Variants in HMGA2 observed in about 807,000 individuals in gnomAD.
HMGA2 encodes the protein high mobility group AT-hook 2, also known as high mobility group protein HMGI-C.
A neutral mutation model predicts 19.1 loss-of-function variants in HMGA2; 8 were observed. The observed-to-expected ratio is 0.42, with a 90% CI of 0.25 to 0.76. The LOEUF is 0.76. Ranked by LOEUF, HMGA2 falls within the 30% of genes least tolerant of loss-of-function variation. The probability of loss-of-function intolerance (pLI) is 0.28; values close to 1 mark genes in which losing one functional copy is unlikely to be tolerated. For missense variants in HMGA2, 109 were observed against 136.3 expected (o/e 0.80, Z 1.00); for synonymous variants, 60 against 48.8 (o/e 1.23, Z -0.96).
At chr12:65,904,972 G>A (rs974813256) in intron 3 of HMGA2, among the ~76,000 whole-genome samples, 2 of 151,918 alleles carry the variant, frequency 1.3e-5, no homozygotes, top group African/African-American at 2.4e-5. Context: ...AACCTGAGAG[G>A]CAGAGGTTGC....
intron 3 of HMGA2, among the ~76,000 whole-genome samples, chr12:65,900,616 T>C (rs145411115): frequency 1.1e-4 from 17 of 152,338 alleles, no homozygotes; most frequent in African/African-American, 3.8e-4. Context: ...AGTGAATGCA[T>C]AGAGCGGGGT....
intron 3 of HMGA2, among the ~76,000 whole-genome samples, chr12:65,918,774 T>C (rs1228394204): frequency 6.6e-6 from 1 of 152,164 alleles, no homozygotes; most frequent in Non-Finnish European, 1.5e-5. Context: ...CCACAGATGC[T>C]CCCATAAGGG....
intron 3 of HMGA2, among the ~76,000 whole-genome samples, chr12:65,897,338 T>G (rs1874174895): frequency 6.6e-6 from 1 of 152,218 alleles, no homozygotes; most frequent in African/African-American, 2.4e-5. Context: ...AAACTGACAG[T>G]ACAAACTAGA....
chr12:65,926,406 C>T (rs775856661), intron 3 of HMGA2, among the ~76,000 whole-genome samples: 2 of 152,180 alleles, frequency 1.3e-5, no homozygotes, highest in Non-Finnish European at 2.9e-5. Context: ...TGTTTAACTT[C>T]GTCTCTATAG....
intron 3 of HMGA2, among the ~76,000 whole-genome samples, chr12:65,888,449 A>G (rs1164297660): frequency 2.0e-5 from 3 of 149,370 alleles, no homozygotes; most frequent in Non-Finnish European, 1.5e-5. Flanking sequence ...AGTGAGACTC[A>G]GTCCCCCCCA....
At chr12:65,861,850 T>C (rs1872098105) in intron 3 of HMGA2, among the ~76,000 whole-genome samples, 1 of 151,352 alleles carries the variant, frequency 6.6e-6, no homozygotes, top group African/African-American at 2.4e-5. Flanking sequence ...ATGTTTCTTT[T>C]TTTTTTTTTT....
chr12:65,851,577 C>A (rs370401746), intron 3 of HMGA2: 1 of 388,398 alleles, frequency 2.6e-6, no homozygotes, highest in South Asian at 1.8e-5. Context: ...GTAATTCCAG[C>A]GAGCAGCTTG....
At chr12:65,881,264 G>A (rs553046788) in intron 3 of HMGA2, 12 of 163,580 alleles carry the variant, frequency 7.3e-5, no homozygotes, top group Middle Eastern at 3.1e-3. Flanking sequence ...CCTTGTCTCT[G>A]AGGGTCTCCA....
chr12:65,946,181 T>C (rs1876257518), intron 3 of HMGA2, among the ~76,000 whole-genome samples: 1 of 152,208 alleles, frequency 6.6e-6, no homozygotes, highest in Non-Finnish European at 1.5e-5. Context: ...AAGATCTGTC[T>C]TATACTATAT....
intron 3 of HMGA2, among the ~76,000 whole-genome samples, chr12:65,839,292 T>C (rs1469174296): frequency 1.3e-5 from 2 of 152,052 alleles, no homozygotes; most frequent in Non-Finnish European, 2.9e-5. Context: ...GTTTGCTGTG[T>C]TACCCATGTT....
At chr12:65,907,645 T>C (rs1874657254) in intron 3 of HMGA2, among the ~76,000 whole-genome samples, 1 of 152,088 alleles carries the variant, frequency 6.6e-6, no homozygotes, top group Non-Finnish European at 1.5e-5. Context: ...AACCGAAAGA[T>C]AGGGTGGCCA....
In HMGA2 at chr12:65,842,254, G is replaced by A. The variant is rs1448651222; in HGVS notation, c.249+3685G>A. ...AGGTCCAGTTTCCTCATCTGCAAAA[G>A]GTATATTTCTCATAGAGTTGTAAGG... On this transcript the variant is annotated intron_variant, in intron 3 of 4. Coordinates refer to ENST00000403681, the MANE Select transcript of HMGA2 (RefSeq NM_003483.6). The A allele has an allele frequency of 1.4e-5, 8 of 563,640 alleles. No individual in the cohort carries two copies. In the East Asian group the frequency reaches 3.8e-4, roughly 27 times the overall value. The allele number at this position is 563,640 out of a possible 1,614,324, so 34.9% of individuals were successfully genotyped here.
chr12:65,839,473 G>T (rs1870899408), intron 3 of HMGA2, among the ~76,000 whole-genome samples: 2 of 151,090 alleles, frequency 1.3e-5, no homozygotes, highest in South Asian at 2.1e-4. Context: ...ATTTTAAAAA[G>T]ATTTTTTTTT....
At chr12:65,930,385 T>C (rs1875667681) in intron 3 of HMGA2, among the ~76,000 whole-genome samples, 1 of 152,234 alleles carries the variant, frequency 6.6e-6, no homozygotes, top group Non-Finnish European at 1.5e-5. Flanking sequence ...GGCCCGTACC[T>C]GCCCCTCTGT....
chr12:65,877,874 C>T (rs943586896), intron 3 of HMGA2, among the ~76,000 whole-genome samples: 11 of 152,102 alleles, frequency 7.2e-5, no homozygotes, highest in African/African-American at 2.7e-4. Flanking sequence ...AGGTCAGATC[C>T]TATGTTCCAT....
chr12:65,875,800 T>C (rs1202930392), intron 3 of HMGA2, among the ~76,000 whole-genome samples: 1 of 151,802 alleles, frequency 6.6e-6, no homozygotes. Flanking sequence ...GTCAACTTTC[T>C]GTGAGTTTGA....
intron 4 of HMGA2, chr12:65,952,622 A>C (rs991442579): frequency 1.5e-6 from 1 of 685,440 alleles, no homozygotes; most frequent in Non-Finnish European, 2.1e-6. Context: ...GTCTTTAAGC[A>C]ATATTTAAAA....
chr12:65,901,755 T>A lies in HMGA2; in HGVS notation c.250-49628T>A, dbSNP rs569514804. On this transcript the variant is annotated intron_variant, in intron 3 of 4. Transcript: ENST00000403681. ...ATCCTGACGTTAAACATTTACTAGA[T>A]AATGGAAGACAATGGATGCCTTATG... Among the ~76,000 whole-genome samples, 54 of 152,246 alleles carry A rather than the reference T, an allele frequency of 3.5e-4. 1 individual carries two copies. Among genetic ancestry groups the A allele is most frequent in the Non-Finnish European group, 5.7e-4 (39 of 68,024 alleles).
intron 3 of HMGA2, among the ~76,000 whole-genome samples, chr12:65,863,167 A>C (rs7959396): frequency 0.13 from 20,525 of 152,200 alleles, 2,590 homozygotes; most frequent in African/African-American, 0.31. Flanking sequence ...GGGCCAGATC[A>C]TTAACTCATA....
Sources: allele counts gnomAD v4.1 joint callset (sites outside exome capture counted in the v4.1 genomes callset), GRCh38; gene constraint gnomAD v4.1.1; transcripts MANE v1.5; gene names NCBI Gene and HGNC (gene_info 2026-07-23, HGNC 2026-07-21).